CDK14: variants seen among roughly 807,000 people sequenced by gnomAD.
CDK14 encodes the protein cyclin dependent kinase 14, also known as cyclin-dependent kinase 14.
Under a neutral mutation model 60.7 loss-of-function variants are expected in CDK14, and 34 were observed. The ratio of observed to expected loss-of-function variants is 0.56; its 90% confidence interval spans 0.43 to 0.75. CDK14 has a LOEUF of 0.75. Ranked by LOEUF, CDK14 falls within the 30% of genes least tolerant of loss-of-function variation. The pLI is 0.00. For missense variants in CDK14, 482 were observed against 564.1 expected, an observed-to-expected ratio of 0.85 and a Z score of 1.47; for synonymous variants, 197 against 203.7, an observed-to-expected ratio of 0.97 and a Z score of 0.28.
intron 5 of CDK14, among the ~76,000 whole-genome samples, chr7:90,861,595 C>T (rs1791011633): frequency 6.6e-6 from 1 of 152,142 alleles, no homozygotes; most frequent in Middle Eastern, 3.4e-3. Flanking sequence ...AGCATTGCCT[C>T]TAGGGGAGAG....
intron 14 of CDK14, among the ~76,000 whole-genome samples, chr7:91,142,330 T>A (rs951140500): frequency 6.6e-5 from 10 of 152,204 alleles, no homozygotes; most frequent in Non-Finnish European, 1.3e-4. Context: ...ACCTGAAGTT[T>A]GCCACAGTCC....
At chr7:90,811,228 T>C (rs1030749503) in intron 5 of CDK14, among the ~76,000 whole-genome samples, 1 of 152,124 alleles carries the variant, frequency 6.6e-6, no homozygotes, top group African/African-American at 2.4e-5. Context: ...ACTACAAGGC[T>C]ACAGTAACCA....
chr7:90,871,229 T>C (rs1791362735), intron 6 of CDK14, among the ~76,000 whole-genome samples: 2 of 152,180 alleles, frequency 1.3e-5, no homozygotes, highest in Admixed American at 1.3e-4. Flanking sequence ...AATAAAATGA[T>C]GAGCCTAACC....
intron 6 of CDK14, among the ~76,000 whole-genome samples, chr7:90,895,337 T>TCCC (rs1562817443): frequency 2.4e-5 from 2 of 83,772 alleles, no homozygotes; most frequent in Admixed American, 1.1e-4. Context: ...TTTCCTCTCC[T>TCCC]CTCCTCTCCT....
chr7:90,994,192 A>C (rs1042537072), intron 10 of CDK14, among the ~76,000 whole-genome samples: 2 of 147,740 alleles, frequency 1.4e-5, no homozygotes, highest in African/African-American at 4.9e-5. Context: ...GGTTGCAGAC[A>C]CATGGTAGCT....
At chr7:90,994,472 A>G (rs184849836) in intron 10 of CDK14, among the ~76,000 whole-genome samples, 5 of 152,330 alleles carry the variant, frequency 3.3e-5, no homozygotes, top group Non-Finnish European at 7.3e-5. Context: ...GGAAGGGGAC[A>G]TAGATCCCAT....
At chr7:90,985,373 A>C (rs1309585351) in intron 10 of CDK14, among the ~76,000 whole-genome samples, 1 of 152,178 alleles carries the variant, frequency 6.6e-6, no homozygotes, top group East Asian at 1.9e-4. Flanking sequence ...GGCTTTGAAG[A>C]ATAATTGACT....
intron 4 of CDK14, among the ~76,000 whole-genome samples, chr7:90,777,448 A>G (rs111369837): frequency 0.022 from 3,325 of 152,348 alleles, 52 homozygotes; most frequent in African/African-American, 0.03. Flanking sequence ...TTGGAACCTG[A>G]AGGTTTAACA....
chr7:90,633,804 TCTTAAAGCAGTAGA>T (rs1800063046), intron 2 of CDK14, among the ~76,000 whole-genome samples: 1 of 152,194 alleles, frequency 6.6e-6, no homozygotes. Flanking sequence ...TAATGGTATT[TCTTAAAGCAGTAGA>T]TGTAACTGTA....
intron 2 of CDK14, among the ~76,000 whole-genome samples, chr7:90,649,256 C>CTTTGTTTCTTTCTTTG (rs1303940369): frequency 2.1e-5 from 1 of 47,318 alleles, no homozygotes; most frequent in East Asian, 7.0e-4. Flanking sequence ...TTCTTTCTTT[C>CTTTGTTTCTTTCTTTG]TTTCTTTCTT....
intron 10 of CDK14, among the ~76,000 whole-genome samples, chr7:91,006,132 C>T (rs1795973894): frequency 6.6e-6 from 1 of 152,258 alleles, no homozygotes; most frequent in South Asian, 2.1e-4. Context: ...GGGAACTCAG[C>T]CTGCTTCAGC....
chr7:90,847,546 T>C (rs1453607198), intron 5 of CDK14, among the ~76,000 whole-genome samples: 1 of 152,182 alleles, frequency 6.6e-6, no homozygotes, highest in African/African-American at 2.4e-5. Context: ...TTTTCATAGC[T>C]TGAGTACATC....
At chr7:90,933,116 G>A (rs928308475) in intron 8 of CDK14, among the ~76,000 whole-genome samples, 6 of 152,074 alleles carry the variant, frequency 3.9e-5, no homozygotes, top group African/African-American at 1.4e-4. Flanking sequence ...AAGGCAGGCA[G>A]ATCCCTTGAG....
intron 14 of CDK14, among the ~76,000 whole-genome samples, chr7:91,148,767 AT>A (rs199847602): frequency 1.2e-4 from 18 of 151,204 alleles, no homozygotes; most frequent in East Asian, 5.8e-4. Flanking sequence ...TTGCAGTATT[AT>A]TTTTTTTTCA....
intron 6 of CDK14, among the ~76,000 whole-genome samples, chr7:90,871,586 C>T (rs1396293559): frequency 6.6e-6 from 1 of 152,148 alleles, no homozygotes; most frequent in African/African-American, 2.4e-5. Flanking sequence ...AAATTATGTT[C>T]ACTTCTTTGA....
intron 2 of CDK14, among the ~76,000 whole-genome samples, chr7:90,703,955 A>T (rs940515901): frequency 6.6e-6 from 1 of 152,124 alleles, no homozygotes; most frequent in Non-Finnish European, 1.5e-5. Context: ...GCATGGTGGC[A>T]TGCACCTGTG....
intron 9 of CDK14, among the ~76,000 whole-genome samples, chr7:90,957,791 A>C (rs1010469918): frequency 4.6e-5 from 7 of 151,980 alleles, no homozygotes; most frequent in Non-Finnish European, 1.0e-4. Context: ...GGTAATTTAC[A>C]GATTCAATGC....
At chr7:90,698,992 AT>A (rs1228592852) in intron 2 of CDK14, among the ~76,000 whole-genome samples, 3 of 152,242 alleles carry the variant, frequency 2.0e-5, no homozygotes, top group Non-Finnish European at 2.9e-5. Context: ...TAAAACTTTT[AT>A]AAACTATAAA....
intron 14 of CDK14, among the ~76,000 whole-genome samples, chr7:91,131,400 A>G (rs966644618): frequency 6.6e-6 from 1 of 152,164 alleles, no homozygotes; most frequent in African/African-American, 2.4e-5. Context: ...TAACACAGAT[A>G]AGGTTTTAAA....
Sources: gnomAD v4.1 joint callset for allele counts (sites outside exome capture counted in the v4.1 genomes callset) on GRCh38, gnomAD v4.1.1 for gene constraint, MANE v1.5 for transcripts, NCBI Gene and HGNC (gene_info 2026-07-23, HGNC 2026-07-21) for gene names.